Variants in UNC13C observed in about 807,000 individuals in gnomAD.
The protein encoded by UNC13C is unc-13 homolog C.
In UNC13C, 174 loss-of-function variants were observed where a neutral mutation model predicts 245.4. The observed-to-expected ratio is 0.71, with a 90% CI of 0.63 to 0.80. UNC13C has a LOEUF of 0.80. UNC13C is among the 30% of genes least tolerant of loss of function. The probability of loss-of-function intolerance (pLI) is 0.00; values close to 1 mark genes in which losing one functional copy is unlikely to be tolerated. For missense variants in UNC13C, 2,829 were observed against 2,602.9 expected (o/e 1.09, Z -1.89); for synonymous variants, 992 against 895.1 (o/e 1.11, Z -1.93).
chr15:54,066,959 A>C (rs556213933), intron 2 of UNC13C, among the ~76,000 whole-genome samples: 1 of 152,252 alleles, frequency 6.6e-6, no homozygotes, highest in South Asian at 2.1e-4. Flanking sequence ...TAGGAAGAAT[A>C]GATTTTGCCA....
At chr15:54,174,153 G>T (rs765265750) in intron 4 of UNC13C, among the ~76,000 whole-genome samples, 1 of 152,022 alleles carries the variant, frequency 6.6e-6, no homozygotes, top group South Asian at 2.1e-4. Flanking sequence ...GCAATTGGTC[G>T]CTAGTTCTCT....
chr15:54,109,187 ATAGT>A (rs1383050246), intron 2 of UNC13C, among the ~76,000 whole-genome samples: 1 of 151,694 alleles, frequency 6.6e-6, no homozygotes, highest in Non-Finnish European at 1.5e-5. Flanking sequence ...AAGGACAAAA[ATAGT>A]TAGCAACCTC....
At chr15:54,505,612 A>G (rs1176353500) in intron 22 of UNC13C, among the ~76,000 whole-genome samples, 1 of 152,030 alleles carries the variant, frequency 6.6e-6, no homozygotes, top group Non-Finnish European at 1.5e-5. Context: ...ATAAATTAGA[A>G]TGAAATTGAA....
At chr15:54,165,806 C>G (rs1490560423) in intron 4 of UNC13C, among the ~76,000 whole-genome samples, 1 of 152,076 alleles carries the variant, frequency 6.6e-6, no homozygotes, top group African/African-American at 2.4e-5. Context: ...ATAATTCTCT[C>G]TGCTTCCCTC....
intron 1 of UNC13C, among the ~76,000 whole-genome samples, chr15:53,984,224 T>C (rs2140950248): frequency 6.6e-6 from 1 of 152,172 alleles, no homozygotes; most frequent in East Asian, 1.9e-4. Flanking sequence ...TACAACCAGA[T>C]CTGACTGCCT....
chr15:53,863,906 T>G, the UNC13C span, among the ~76,000 whole-genome samples: 1 of 152,298 alleles, frequency 6.6e-6, no homozygotes, highest in South Asian at 2.1e-4. Context: ...CAATAACTGG[T>G]GGAGTCCACG....
chr15:54,190,809 T>C (rs944732998), intron 4 of UNC13C, among the ~76,000 whole-genome samples: 1 of 152,110 alleles, frequency 6.6e-6, no homozygotes. Flanking sequence ...CATTTACACT[T>C]ATTGATATAA....
At position 54,416,192 on chromosome 15, in the gene UNC13C, G is replaced by T. The variant is rs565451840; in HGVS notation, c.4933+1125G>T. Among the ~76,000 whole-genome samples the T allele has an allele frequency of 3.9e-5, 6 of 152,262 alleles. No homozygotes were observed. In the East Asian group the frequency reaches 1.2e-3, roughly 29 times the overall value. ...CATAAAGGATTTTCAGCAGGTGCAT[G>T]TCTTACTTAGATTTGCAACTTAGAA... On this transcript the variant is annotated intron_variant, in intron 19 of 32. Coordinates refer to ENST00000260323, the MANE Select transcript of UNC13C (RefSeq NM_001080534.3).
At chr15:54,241,510 A>C (rs894760959) in intron 7 of UNC13C, among the ~76,000 whole-genome samples, 1 of 152,182 alleles carries the variant, frequency 6.6e-6, no homozygotes, top group African/African-American at 2.4e-5. Flanking sequence ...TAAGTTTTGA[A>C]GTGAAAGGGG....
chr15:54,478,272 A>G (rs1892889383), intron 19 of UNC13C, among the ~76,000 whole-genome samples: 2 of 127,210 alleles, frequency 1.6e-5, no homozygotes, highest in South Asian at 5.4e-4. Flanking sequence ...TCCTGGATTC[A>G]TTAATTTTTT....
chr15:53,931,216 T>A, the UNC13C span, among the ~76,000 whole-genome samples: 1 of 152,186 alleles, frequency 6.6e-6, no homozygotes, highest in Non-Finnish European at 1.5e-5. Context: ...TCACCCAGGC[T>A]GGAGTGCAGT....
intron 17 of UNC13C, among the ~76,000 whole-genome samples, chr15:54,372,378 AT>A (rs1200050665): frequency 6.6e-6 from 1 of 152,088 alleles, no homozygotes; most frequent in African/African-American, 2.4e-5. Context: ...ATTGTGAAAA[AT>A]GTCCTACATA....
Position 54,015,418 on chromosome 15 carries a change from T to C in UNC13C, c.2515T>C (p.Ser839Pro), listed in dbSNP as rs371805209. 6.1e-5 allele frequency: 98 copies of C among 1,613,576 alleles called. 1 individual carries two copies. The South Asian group carries it at 9.8e-4, about 16-fold the overall frequency. The change falls in exon 2 of 33, where the codon TCA (serine) becomes CCA (proline). Residue 839 changes from serine (S) to proline (P), a missense_variant. Ser to Pro is a moderately conservative substitution (Grantham distance 74, BLOSUM62 -1). Transcript: ENST00000260323. ...GGGGAGATTTCGGACATTATCTCAA[T>C]CAACTGCAAATGAGTCAAGTACCAC... is the stretch of plus-strand genomic sequence containing the variant. ...LMGRFRTLSQ[S>P]TANESSTTLD...
intron 4 of UNC13C, among the ~76,000 whole-genome samples, chr15:54,185,452 G>A (rs1402417260): frequency 1.3e-5 from 2 of 150,104 alleles, no homozygotes; most frequent in African/African-American, 5.0e-5. Context: ...TTTGTAGAAG[G>A]TGTAAGGAAG....
chr15:53,853,581 C>A, the UNC13C span, among the ~76,000 whole-genome samples: 2 of 152,166 alleles, frequency 1.3e-5, no homozygotes, highest in Non-Finnish European at 2.9e-5. Flanking sequence ...CTGTCTTCCA[C>A]AATGGTTGAA....
At chr15:54,007,576 C>T (rs1000387350) in intron 1 of UNC13C, among the ~76,000 whole-genome samples, 7 of 152,110 alleles carry the variant, frequency 4.6e-5, no homozygotes, top group African/African-American at 1.7e-4. Context: ...CACGTGGACT[C>T]AGGGAGGGGA....
intron 4 of UNC13C, among the ~76,000 whole-genome samples, chr15:54,220,049 G>T (rs2035174114): frequency 2.1e-5 from 3 of 139,978 alleles, no homozygotes; most frequent in Admixed American, 6.9e-5. Flanking sequence ...GATTCCTCAG[G>T]GATCTAGAAC....
At chr15:54,346,238 T>TA (rs33935852) in intron 17 of UNC13C, among the ~76,000 whole-genome samples, 9,867 of 151,730 alleles carry the variant, frequency 0.065, 400 homozygotes, top group Admixed American at 0.11. Flanking sequence ...AAATAACATT[T>TA]AAAGAAAAAG....
At chr15:53,958,654 G>GT in the UNC13C span, among the ~76,000 whole-genome samples, 2 of 152,038 alleles carry the variant, frequency 1.3e-5, no homozygotes, top group African/African-American at 2.4e-5. Flanking sequence ...TGTCTTATTT[G>GT]TTTTTTAAAA....
Sources: gnomAD v4.1 joint callset for allele counts (sites outside exome capture counted in the v4.1 genomes callset) on GRCh38, gnomAD v4.1.1 for gene constraint, MANE v1.5 for transcripts, NCBI Gene and HGNC (gene_info 2026-07-23, HGNC 2026-07-21) for gene names.